The following ANXA6 variants were observed in gnomAD, a reference collection of about 807,000 sequenced individuals.
ANXA6 encodes the protein 67 kDa calelectrin.
ANXA6 carries 71 observed loss-of-function variants against 95.4 expected under a neutral mutation model. The ratio of observed to expected loss-of-function variants is 0.74; its 90% CI spans 0.61 to 0.91. ANXA6 has a LOEUF of 0.91. ANXA6 is among the 40% of genes least tolerant of loss of function. The pLI, the probability that ANXA6 is intolerant of heterozygous loss-of-function variation, is 0.00. For synonymous variants in ANXA6, 289 were observed against 315.9 expected (o/e 0.91, Z 0.90); for missense variants, 830 against 876.4 (o/e 0.95, Z 0.67).
At chr5:151,129,902 G>A (rs1012709738) in intron 11 of ANXA6, among the ~76,000 whole-genome samples, 2 of 152,094 alleles carry the variant, frequency 1.3e-5, no homozygotes, top group Non-Finnish European at 2.9e-5. Context: ...GTAGAGATGG[G>A]GTTTTGCCAT....
intron 24 of ANXA6, 108 bp downstream of exon 24, chr5:151,105,137 G>A (rs1764660882): frequency 6.4e-6 from 7 of 1,093,798 alleles, no homozygotes; most frequent in Non-Finnish European, 8.3e-6. Flanking sequence ...CAAATGGGAA[G>A]AAACAGCTGC....
intron 23 of ANXA6, among the ~76,000 whole-genome samples, chr5:151,107,784 C>T (rs531380184): frequency 6.6e-6 from 1 of 152,290 alleles, no homozygotes; most frequent in East Asian, 1.9e-4. Flanking sequence ...AAAACCTTTT[C>T]AAAGTCAAGA....
intron 24 of ANXA6, among the ~76,000 whole-genome samples, chr5:151,104,462 G>A (rs1052070751): frequency 2.0e-5 from 3 of 152,228 alleles, no homozygotes; most frequent in African/African-American, 7.2e-5. Flanking sequence ...TGTGGGCAAC[G>A]TTTTACCCTA....
chr5:151,126,597 C>T, intron 13 of ANXA6, 117 bp from the exon 14 acceptor site: 1 of 758,996 alleles, frequency 1.3e-6, no homozygotes, highest in African/African-American at 1.7e-5. Flanking sequence ...CACGTGCACA[C>T]ACCACACACA....
chr5:151,147,179 G>C (rs570900608), intron 2 of ANXA6, among the ~76,000 whole-genome samples: 1 of 152,136 alleles, frequency 6.6e-6, no homozygotes, highest in African/African-American at 2.4e-5. Flanking sequence ...TCTATTGCCC[G>C]GCAGAACAGT....
chr5:151,116,184 C>T (rs771221054), intron 20 of ANXA6, among the ~76,000 whole-genome samples: 21 of 152,300 alleles, frequency 1.4e-4, no homozygotes, highest in Admixed American at 2.0e-4. Context: ...GACCTGGGAA[C>T]AGAAAAGTTG....
chr5:151,112,402 A>C (rs970050171), intron 20 of ANXA6, among the ~76,000 whole-genome samples: 2 of 151,970 alleles, frequency 1.3e-5, no homozygotes, highest in East Asian at 3.8e-4. Flanking sequence ...AAGCTTTCGC[A>C]TTTTTTTTAT....
At chr5:151,132,620 C>A (rs77208973) in intron 9 of ANXA6, 49 bp from the exon 10 acceptor site, 2 of 1,508,570 alleles carry the variant, frequency 1.3e-6, no homozygotes, top group Middle Eastern at 1.8e-4. Context: ...TCTGTACCCC[C>A]GAGAAGAAAT....
At chr5:151,124,712 C>T (rs1270702866) in intron 14 of ANXA6, among the ~76,000 whole-genome samples, 3 of 152,184 alleles carry the variant, frequency 2.0e-5, no homozygotes, top group African/African-American at 7.2e-5. Flanking sequence ...ACCGGGGCAT[C>T]CCCAATTCTT....
intron 7 of ANXA6, 73 bp downstream of exon 7, chr5:151,136,183 C>T (rs1276999744): frequency 1.4e-6 from 2 of 1,414,164 alleles, no homozygotes; most frequent in African/African-American, 1.7e-5. Flanking sequence ...CCTGGACATT[C>T]AGATCTACAC....
chr5:151,104,456 G>C (rs1437404360), intron 24 of ANXA6, among the ~76,000 whole-genome samples: 1 of 152,170 alleles, frequency 6.6e-6, no homozygotes, highest in Non-Finnish European at 1.5e-5. Context: ...TGTAAATGTG[G>C]GCAACGTTTT....
intron 2 of ANXA6, among the ~76,000 whole-genome samples, chr5:151,144,682 G>C (rs1765930125): frequency 6.6e-6 from 1 of 152,076 alleles, no homozygotes; most frequent in Admixed American, 6.5e-5. Flanking sequence ...GAAGTGCCAT[G>C]CTGGGGGAAG....
In ANXA6 at chr5:151,122,946, G is replaced by A. The variant is rs762451507; in HGVS notation, c.1204C>T (p.Arg402Trp). The A allele has an allele frequency of 2.2e-5, 36 of 1,613,824 alleles. No homozygotes were observed. The Admixed American group carries it at 2.3e-4, about 10-fold the overall frequency. The stretch of plus-strand genomic sequence containing the variant: ...CCAAAGTGAGACTTGAAGGTCTGCC[G>A]GATCTGCTGCCGCTGGACATTGCTG... ...HRSNVQRQQI[R>W]QTFKSHFGRD... The change falls in exon 16 of 26, where the codon CGG (arginine) becomes TGG (tryptophan). Residue 402 changes from arginine (R) to tryptophan (W), a missense_variant. Coordinates refer to ENST00000354546, the MANE Select transcript of ANXA6 (RefSeq NM_001155.5).
rs1252227442 is a variant in ANXA6, at chr5:151,103,479, G to GA, written c.1962+90dup. ...GGCTGTTCTAAGCGGTAACCCACTG[G>GA]AAAAAAGTCCATGGGAATAAAGACT... On this transcript the variant is annotated intron_variant, in intron 25 of 25. Coordinates refer to ENST00000354546, the MANE Select transcript of ANXA6 (RefSeq NM_001155.5). The GA allele has an allele frequency of 5.8e-6, 8 of 1,369,012 alleles. No homozygotes were observed. The Admixed American group carries it at 1.2e-4, about 21-fold the overall frequency. 84.8% of individuals were successfully genotyped at this position (1,369,012 alleles called of 1,614,324 possible). A position where few individuals can be genotyped will look rare whatever the true frequency, so the allele number is the denominator to read the frequency against.
chr5:151,139,533 T>A (rs1765769038), intron 3 of ANXA6, 86 bp from the exon 4 acceptor site: 7 of 884,988 alleles, frequency 7.9e-6, no homozygotes, highest in African/African-American at 1.6e-5. Context: ...GACACAGGCC[T>A]AGTAGCTCCC....
intron 8 of ANXA6, 63 bp from the exon 9 acceptor site, chr5:151,133,250 C>T: frequency 8.4e-7 from 1 of 1,191,724 alleles, no homozygotes; most frequent in South Asian, 1.3e-5. Flanking sequence ...ACACACTGAC[C>T]AAGCCACTCA....
chr5:151,138,943 C>A, intron 4 of ANXA6, 152 bp from the exon 5 acceptor site: 1 of 636,316 alleles, frequency 1.6e-6, no homozygotes, highest in Non-Finnish European at 2.8e-6. Context: ...CTGTTACCAA[C>A]CCTAAGAGAC....
intron 16 of ANXA6, 133 bp from the exon 17 acceptor site, chr5:151,122,393 G>A (rs1277200867): frequency 1.6e-6 from 1 of 616,424 alleles, no homozygotes; most frequent in Non-Finnish European, 2.8e-6. Context: ...CTTTGCTGAT[G>A]TTGTACTTAT....
At chr5:151,116,994 C>T (rs1441567269) in intron 20 of ANXA6, 133 bp downstream of exon 20, 5 of 681,756 alleles carry the variant, frequency 7.3e-6, no homozygotes, top group Non-Finnish European at 1.2e-5. Context: ...GTCTAAGTAT[C>T]AACCAATCAA....
Sources: allele counts gnomAD v4.1 joint callset (sites outside exome capture counted in the v4.1 genomes callset), GRCh38; gene constraint gnomAD v4.1.1; transcripts MANE v1.5; gene names NCBI Gene and HGNC (gene_info 2026-07-23, HGNC 2026-07-21).